EFTUD2: variants seen among roughly 807,000 people sequenced by gnomAD.
EFTUD2 encodes 116 kDa U5 small nuclear ribonucleoprotein component.
EFTUD2 carries 9 observed loss-of-function variants against 114.3 expected under a neutral mutation model. That is an observed-to-expected ratio of 0.08 (90% CI 0.05 to 0.14). The LOEUF is 0.14. Among genes scored for constraint, EFTUD2 ranks in the 10% least tolerant of loss-of-function variants. EFTUD2 has a pLI of 1.00. For missense variants in EFTUD2, 765 were observed against 1,241.2 expected (o/e 0.62, Z 5.76); for synonymous variants, 449 against 462.3 (o/e 0.97, Z 0.37).
intron 8 of EFTUD2, among the ~76,000 whole-genome samples, chr17:44,880,139 C>A (rs1299832632): frequency 6.6e-6 from 1 of 152,154 alleles, no homozygotes; most frequent in Non-Finnish European, 1.5e-5. Flanking sequence ...CCCAGTTGGT[C>A]CTTTCCATAG....
At chr17:44,864,435 G>C (rs2050709738) in intron 14 of EFTUD2, among the ~76,000 whole-genome samples, 1 of 152,210 alleles carries the variant, frequency 6.6e-6, no homozygotes, top group Non-Finnish European at 1.5e-5. Flanking sequence ...ACAAATCAGA[G>C]TCATGAAGAA....
chr17:44,863,946 G>A, intron 14 of EFTUD2, 164 bp from the exon 15 acceptor site: 1 of 895,006 alleles, frequency 1.1e-6, no homozygotes, highest in Non-Finnish European at 1.6e-6. Flanking sequence ...TCCTGGGAAT[G>A]TGCTGCTAGA....
At chr17:44,864,365 C>CA (rs1464450424) in intron 14 of EFTUD2, among the ~76,000 whole-genome samples, 1 of 152,194 alleles carries the variant, frequency 6.6e-6, no homozygotes, top group East Asian at 1.9e-4. Context: ...GACTTAGAAT[C>CA]AGAGACTGCT....
At chr17:44,886,915 G>A (rs2051185475) in intron 2 of EFTUD2, among the ~76,000 whole-genome samples, 165 bp from the exon 3 acceptor site, 1 of 152,184 alleles carries the variant, frequency 6.6e-6, no homozygotes, top group Non-Finnish European at 1.5e-5. Context: ...CCTTCACAAA[G>A]AGAAGACTCT....
Position 44,854,171 on chromosome 17 carries a change from T to C in EFTUD2, c.2347+98A>G. 1.4e-6 allele frequency: 2 copies of C among 1,442,856 alleles called. No homozygotes were observed. The highest frequency in any genetic ancestry group is 2.3e-5 in the East Asian group (1 of 43,228). 89.4% of individuals were successfully genotyped at this position (1,442,856 alleles called of 1,614,324 possible). On this transcript the variant is annotated intron_variant, in intron 23 of 27. Transcript: ENST00000426333. The surrounding 1 kb of genome is among the most constrained non-coding windows in gnomAD (Gnocchi z 4.3). ...ATGGTCCTGTGTACCCCAAGCTGCT[T>C]CTCCTGCCGAATCCTAAAGATGGTG... is the stretch of plus-strand genomic sequence containing the variant.
At chr17:44,867,297 A>T (rs1389136047) in intron 13 of EFTUD2, among the ~76,000 whole-genome samples, 25 of 121,266 alleles carry the variant, frequency 2.1e-4, no homozygotes, top group East Asian at 7.3e-4. Context: ...CTTTCCTTTG[A>T]TTTTTTTTTT....
In EFTUD2 at chr17:44,880,578, G is replaced by A; in HGVS notation, c.595C>T (p.Leu199Phe). ...VLPDTKGKSY[L>F]FNIMDTPGHV... ...CCTGGAGTGTCCATGATATTGAAGA[G>A]ATAAGATTTTCCTTTGGTGTCTGGC... Residue 199 changes from leucine to phenylalanine, a missense_variant, in exon 8 of 28, where the codon CTC (leucine) becomes TTC (phenylalanine). Leu to Phe is a conservative substitution (Grantham distance 22). This residue lies in a region of EFTUD2 where 251 missense variants were observed against 357.7 expected (regional missense o/e 0.70). Coordinates refer to ENST00000426333, the MANE Select transcript of EFTUD2 (RefSeq NM_004247.4). 3 of 1,613,720 alleles carry A rather than the reference G, an allele frequency of 1.9e-6. No homozygotes were observed. Among genetic ancestry groups the A allele is most frequent in the Non-Finnish European group, 1.7e-6 (2 of 1,179,686 alleles).
At chr17:44,864,776 T>C (rs1023747495) in intron 14 of EFTUD2, among the ~76,000 whole-genome samples, 154 bp downstream of exon 14, 2 of 152,146 alleles carry the variant, frequency 1.3e-5, no homozygotes, top group Non-Finnish European at 2.9e-5. Flanking sequence ...GGAAAGCAGC[T>C]AGGAAAAACA....
In EFTUD2 at chr17:44,850,870, C is replaced by CG; in HGVS notation, c.*403dup. 4.2e-6 allele frequency: 1 copy of CG among 235,298 alleles called. No individual in the cohort carries two copies. Among genetic ancestry groups the CG allele is most frequent in the Admixed American group, 5.0e-5 (1 of 20,062 alleles). 14.6% of individuals were successfully genotyped at this position (235,298 alleles called of 1,614,324 possible). On this transcript the variant is annotated 3_prime_UTR_variant, in exon 28 of 28. Transcript: ENST00000426333. ...ATATATTCAGAATGTAAGCACCAGACGGGGCAGGGGAGACGAGGATGAAAG... is the reference window on the plus strand; with the variant it reads ...ATATATTCAGAATGTAAGCACCAGACGGGGGCAGGGGAGACGAGGATGAAAG...
chr17:44,880,442 G>A, intron 8 of EFTUD2, 112 bp downstream of exon 8: 2 of 706,304 alleles, frequency 2.8e-6, no homozygotes, highest in Non-Finnish European at 2.4e-6. Context: ...TTCAATGAAG[G>A]TGAGGGAATG....
chr17:44,877,872 C>T (rs936678836), intron 9 of EFTUD2, among the ~76,000 whole-genome samples: 3 of 151,612 alleles, frequency 2.0e-5, no homozygotes, highest in Non-Finnish European at 4.4e-5. Flanking sequence ...TGGCTCACGC[C>T]TGTAATCTCC....
chr17:44,853,997 C>T, intron 23 of EFTUD2: 1 of 1,354,860 alleles, frequency 7.4e-7, no homozygotes, highest in Non-Finnish European at 9.5e-7. Context: ...TCATCATCCT[C>T]TTGATATCTC....
At position 44,868,278 on chromosome 17, in the gene EFTUD2, T is replaced by C. The variant is rs1249719129; in HGVS notation, c.1058+9A>G. 2 of 1,611,998 alleles carry C rather than the reference T, an allele frequency of 1.2e-6. No individual in the cohort carries two copies. The highest frequency in any genetic ancestry group is 2.7e-5 in the African/African-American group (2 of 74,824). ...CCCTCTGGAAAGTCACGTCCCATAC[T>C]CTACTTACGTCTTAGGGTTGAAGTA... On this transcript the variant is annotated intron_variant, in intron 12 of 27. Transcript: ENST00000426333.
intron 17 of EFTUD2, 59 bp downstream of exon 17, chr17:44,860,373 G>T: frequency 8.4e-7 from 1 of 1,185,832 alleles, no homozygotes; most frequent in Non-Finnish European, 1.3e-6. Context: ...TTGTGCTCAT[G>T]TGTGTCCCTG....
intron 10 of EFTUD2, among the ~76,000 whole-genome samples, chr17:44,873,961 C>T (rs1323472414): frequency 6.6e-6 from 1 of 150,944 alleles, no homozygotes; most frequent in Non-Finnish European, 1.5e-5. Context: ...GTCTCGATCT[C>T]CTGACCTCAT....
chr17:44,883,761 C>T, intron 4 of EFTUD2, 37 bp from the exon 5 acceptor site: 5 of 1,602,380 alleles, frequency 3.1e-6, no homozygotes, highest in Middle Eastern at 1.7e-4. Flanking sequence ...GAGAGATTGG[C>T]AAACGTTTCC....
chr17:44,883,668 C>G lies in EFTUD2; in HGVS notation c.407G>C (p.Gly136Ala). Reference protein sequence around the residue: ...SELIRNVTLCGHLHHGKTCFV... With the variant: ...SELIRNVTLCAHLHHGKTCFV... ...TCTTACCTTGCCATGGTGGAGATGTCCACAAAGGGTCACATTTCTGATGAG... is the reference window on the plus strand; with the variant it reads ...TCTTACCTTGCCATGGTGGAGATGTGCACAAAGGGTCACATTTCTGATGAG... Residue 136 changes from glycine to alanine, a missense_variant, in exon 5 of 28, where the codon GGA (glycine) becomes GCA (alanine). Gly to Ala is a moderately conservative substitution (Grantham distance 60, BLOSUM62 0). Coordinates refer to ENST00000426333, the MANE Select transcript of EFTUD2 (RefSeq NM_004247.4). 6.2e-7 allele frequency: 1 copy of G among 1,614,138 alleles called. No individual in the cohort carries two copies. The highest frequency in any genetic ancestry group is 8.5e-7 in the Non-Finnish European group (1 of 1,180,006).
intron 13 of EFTUD2, 173 bp from the exon 14 acceptor site, chr17:44,865,238 C>T (rs1388983327): frequency 1.8e-5 from 16 of 879,656 alleles, no homozygotes; most frequent in Non-Finnish European, 2.6e-5. Context: ...TCTCTGCTAC[C>T]TACCCTTCAA....
chr17:44,872,371 T>A (rs2050870665), intron 11 of EFTUD2, 75 bp downstream of exon 11: 1 of 1,589,710 alleles, frequency 6.3e-7, no homozygotes, highest in African/African-American at 1.3e-5. Context: ...CGAAGCCAAT[T>A]TCTGAGTCAT....
Sources: allele counts gnomAD v4.1 joint callset (sites outside exome capture counted in the v4.1 genomes callset), GRCh38; gene constraint gnomAD v4.1.1; regional missense constraint gnomAD v4.1.1; non-coding constraint Gnocchi (gnomAD v3.1); transcripts MANE v1.5; gene names NCBI Gene and HGNC (gene_info 2026-07-23, HGNC 2026-07-21).